FER1L6: variants seen among roughly 807,000 people sequenced by gnomAD.
FER1L6 encodes the protein fer-1-like protein 6.
Under a neutral mutation model 219.2 loss-of-function variants are expected in FER1L6, and 177 were observed. That is an observed-to-expected ratio of 0.81 (90% CI 0.71 to 0.91). The LOEUF (loss-of-function observed/expected upper bound fraction) is 0.91, where lower values mean the gene tolerates loss of function less well. FER1L6 is among the 40% of genes least tolerant of loss of function. FER1L6 has a pLI of 0.00. For synonymous variants in FER1L6, 768 were observed against 824.3 expected (o/e 0.93, Z 1.17); for missense variants, 2,153 against 2,259.9 (o/e 0.95, Z 0.96).
At chr8:123,975,098 G>A in intron 7 of FER1L6, 52 bp from the exon 8 acceptor site, 1 of 1,480,032 alleles carries the variant, frequency 6.8e-7, no homozygotes, top group East Asian at 2.5e-5. Context: ...GAAAGGGGTG[G>A]GGCTGCTGGG....
intron 28 of FER1L6, 121 bp from the exon 29 acceptor site, chr8:124,069,239 A>C (rs1820961032): frequency 1.3e-6 from 1 of 757,592 alleles, no homozygotes; most frequent in Non-Finnish European, 2.2e-6. Flanking sequence ...CCTGGCCACA[A>C]GTTACTATTT....
At chr8:124,084,745 A>G (rs1021671919) in intron 33 of FER1L6, among the ~76,000 whole-genome samples, 2 of 152,010 alleles carry the variant, frequency 1.3e-5, no homozygotes, top group East Asian at 3.9e-4. Context: ...TCATTTTGTG[A>G]TGTGTCTTTG....
At chr8:123,942,584 C>T (rs1052531588) in intron 1 of FER1L6, among the ~76,000 whole-genome samples, 5 of 152,216 alleles carry the variant, frequency 3.3e-5, no homozygotes, top group East Asian at 1.9e-4. Context: ...CTTCCAGCTT[C>T]TGGTGGCTCC....
intron 12 of FER1L6, among the ~76,000 whole-genome samples, chr8:124,002,266 T>TTCCTGGTAAA (rs1267195975): frequency 6.6e-6 from 1 of 152,176 alleles, no homozygotes; most frequent in African/African-American, 2.4e-5. Flanking sequence ...TGGGGGCTCC[T>TTCCTGGTAAA]TCCTGGTAAA....
chr8:123,902,820 C>T (rs565015661), intron 1 of FER1L6, among the ~76,000 whole-genome samples: 3 of 152,258 alleles, frequency 2.0e-5, no homozygotes, highest in East Asian at 1.9e-4. Flanking sequence ...TTGCTTTCAT[C>T]GTGCTCTTTG....
chr8:124,082,181 G>A, intron 32 of FER1L6, 107 bp from the exon 33 acceptor site: 3 of 809,472 alleles, frequency 3.7e-6, no homozygotes, highest in Non-Finnish European at 6.0e-6. Flanking sequence ...GTTGCTGAGT[G>A]TTTAATGAGT....
intron 1 of FER1L6, among the ~76,000 whole-genome samples, chr8:123,946,864 G>T (rs962221364): frequency 6.6e-6 from 1 of 152,094 alleles, no homozygotes; most frequent in East Asian, 1.9e-4. Context: ...ACACGGAAAT[G>T]ACTTTATTAT....
At position 124,091,546 on chromosome 8, in the gene FER1L6, C is replaced by G; in HGVS notation, c.4515C>G (p.Val1505=). The G allele has an allele frequency of 6.2e-7, 1 of 1,614,086 alleles. No homozygotes were observed. Among genetic ancestry groups the G allele is most frequent in the Non-Finnish European group, 8.5e-7 (1 of 1,179,942 alleles). ...GGAAAATACAGATAGGAAACCAAGTCTTTTCTGGAAAAACTATCTTCACTG... is the reference window on the plus strand; with the variant it reads ...GGAAAATACAGATAGGAAACCAAGTGTTTTCTGGAAAAACTATCTTCACTG... The part of the protein sequence containing the change: ...HPGKIQIGNQ[V]FSGKTIFTEE... The change falls in exon 34 of 41, where the codon GTC becomes GTG. Residue 1505 remains valine, a synonymous_variant. Coordinates refer to ENST00000522917, the MANE Select transcript of FER1L6 (RefSeq NM_001039112.2).
chr8:123,997,881 A>C (rs981837391), intron 12 of FER1L6, among the ~76,000 whole-genome samples: 12 of 152,052 alleles, frequency 7.9e-5, no homozygotes, highest in Non-Finnish European at 1.5e-4. Flanking sequence ...TCTCTTTGTT[A>C]AATTTGTCTG....
chr8:123,929,704 G>A (rs766101573), intron 1 of FER1L6, among the ~76,000 whole-genome samples: 32 of 152,124 alleles, frequency 2.1e-4, no homozygotes, highest in Admixed American at 1.6e-3. Context: ...CACAAGGAAG[G>A]GAAGACATCA....
intron 1 of FER1L6, among the ~76,000 whole-genome samples, chr8:123,954,343 C>G (rs934551280): frequency 5.3e-5 from 8 of 152,124 alleles, no homozygotes; most frequent in African/African-American, 1.7e-4. Context: ...GCTTGCATGC[C>G]TCCAGGAACT....
At chr8:124,075,950 C>G (rs1222357588) in intron 31 of FER1L6, among the ~76,000 whole-genome samples, 2 of 152,188 alleles carry the variant, frequency 1.3e-5, no homozygotes, top group African/African-American at 4.8e-5. Flanking sequence ...GAAAGTTGCA[C>G]TTGGGCAAAG....
intron 1 of FER1L6, among the ~76,000 whole-genome samples, chr8:123,871,450 C>T (rs1816923096): frequency 6.6e-6 from 1 of 152,054 alleles, no homozygotes. Context: ...GCGCTAAACA[C>T]CAACCCCCTG....
intron 1 of FER1L6, among the ~76,000 whole-genome samples, chr8:123,905,617 C>A (rs78376384): frequency 6.6e-6 from 1 of 152,172 alleles, no homozygotes; most frequent in African/African-American, 2.4e-5. Context: ...ACAGACAAAC[C>A]TGGTGCTACC....
At chr8:124,022,916 T>C (rs1339735746) in intron 17 of FER1L6, among the ~76,000 whole-genome samples, 2 of 27,536 alleles carry the variant, frequency 7.3e-5, no homozygotes, top group African/African-American at 4.0e-4. Flanking sequence ...ACTTTATTTA[T>C]TTATTTTTTT....
At chr8:123,887,688 T>A (rs1473632696) in intron 1 of FER1L6, among the ~76,000 whole-genome samples, 1 of 72,494 alleles carries the variant, frequency 1.4e-5, no homozygotes, top group East Asian at 3.4e-4. Flanking sequence ...GGGGGCTTGT[T>A]TGAAATTGTT....
intron 1 of FER1L6, among the ~76,000 whole-genome samples, chr8:123,947,927 C>T (rs993530715): frequency 2.0e-5 from 3 of 152,090 alleles, no homozygotes; most frequent in African/African-American, 7.2e-5. Flanking sequence ...GGAAGGCCTA[C>T]GGTGAGCAAT....
intron 19 of FER1L6, among the ~76,000 whole-genome samples, chr8:124,036,521 C>T (rs1745586367): frequency 6.6e-6 from 1 of 152,068 alleles, no homozygotes; most frequent in South Asian, 2.1e-4. Flanking sequence ...TAAAAATTGC[C>T]CAAGGACACA....
chr8:123,865,200 G>A (rs1208397096), intron 1 of FER1L6, among the ~76,000 whole-genome samples: 2 of 148,878 alleles, frequency 1.3e-5, no homozygotes, highest in African/African-American at 5.1e-5. Flanking sequence ...CCTTCTAACA[G>A]ACAGGACCCT....
Sources: allele counts gnomAD v4.1 joint callset (sites outside exome capture counted in the v4.1 genomes callset), GRCh38; gene constraint gnomAD v4.1.1; transcripts MANE v1.5; gene names NCBI Gene and HGNC (gene_info 2026-07-23, HGNC 2026-07-21).